Variants in ASAP1 observed in about 807,000 individuals in gnomAD.
ASAP1 encodes arf-GAP with SH3 domain, ANK repeat and PH domain-containing protein 1.
A neutral mutation model predicts 145.2 loss-of-function variants in ASAP1; 43 were observed. That is an observed-to-expected ratio of 0.30 (90% CI 0.23 to 0.38). The LOEUF is 0.38. Ranked by LOEUF, ASAP1 falls within the 10% of genes least tolerant of loss-of-function variation. ASAP1 has a pLI of 1.00. For synonymous variants in ASAP1, 546 were observed against 515.5 expected (o/e 1.06, Z -0.80); for missense variants, 1,018 against 1,355.3 (o/e 0.75, Z 3.91).
intron 2 of ASAP1, among the ~76,000 whole-genome samples, chr8:130,383,587 T>C (rs576956815): frequency 2.7e-4 from 41 of 152,298 alleles, no homozygotes; most frequent in African/African-American, 9.6e-4. Context: ...GGATCTAATA[T>C]TATTCCCAGA....
intron 1 of ASAP1, among the ~76,000 whole-genome samples, chr8:130,428,011 C>G (rs1045456313): frequency 2.0e-5 from 3 of 152,186 alleles, no homozygotes; most frequent in African/African-American, 7.2e-5. Flanking sequence ...CCACATCAAC[C>G]TCTTCTCCAA....
At chr8:130,355,980 T>C (rs1826283658) in intron 3 of ASAP1, among the ~76,000 whole-genome samples, 1 of 152,186 alleles carries the variant, frequency 6.6e-6, no homozygotes, top group Non-Finnish European at 1.5e-5. Flanking sequence ...TACTCTAACA[T>C]GACACTGAAC....
At chr8:130,389,905 C>A (rs1565274651) in intron 2 of ASAP1, among the ~76,000 whole-genome samples, 1 of 152,102 alleles carries the variant, frequency 6.6e-6, no homozygotes, top group Non-Finnish European at 1.5e-5. Flanking sequence ...ATTATGTTGC[C>A]CAGGCTTTAA....
At chr8:130,246,508 C>G (rs1240755808) in intron 3 of ASAP1, among the ~76,000 whole-genome samples, 1 of 152,050 alleles carries the variant, frequency 6.6e-6, no homozygotes, top group Admixed American at 6.6e-5. Flanking sequence ...CTCACAAGAT[C>G]TGATGGTTAA....
chr8:130,334,241 T>C (rs958648537), intron 3 of ASAP1, among the ~76,000 whole-genome samples: 1 of 152,208 alleles, frequency 6.6e-6, no homozygotes, highest in Admixed American at 6.5e-5. Flanking sequence ...AAAGAGGTAC[T>C]CTTTGATTTT....
chr8:130,307,513 G>C (rs1288074968), intron 3 of ASAP1, among the ~76,000 whole-genome samples: 2 of 152,200 alleles, frequency 1.3e-5, no homozygotes, highest in Non-Finnish European at 2.9e-5. Flanking sequence ...CCAGAGCAAA[G>C]TGGTAAAATT....
intron 12 of ASAP1, among the ~76,000 whole-genome samples, chr8:130,153,123 G>A (rs1272777484): frequency 1.3e-5 from 2 of 151,196 alleles, no homozygotes; most frequent in East Asian, 1.9e-4. Context: ...GGGTTGAAGC[G>A]ATTCTCCTGC....
At chr8:130,115,782 C>T in intron 22 of ASAP1, 47 bp from the exon 23 acceptor site, 1 of 1,224,304 alleles carries the variant, frequency 8.2e-7, no homozygotes, top group African/African-American at 1.5e-5. Context: ...AATGCTGAAA[C>T]ATCCCAATAT....
In ASAP1 at chr8:130,215,699, G is replaced by A. The variant is rs529016085; in HGVS notation, c.260-998C>T. Among the ~76,000 whole-genome samples the A allele has an allele frequency of 1.6e-4, 24 of 152,184 alleles. No individual in the cohort carries two copies. The East Asian group carries it at 3.9e-3, about 25-fold the overall frequency. On this transcript the variant is annotated intron_variant, in intron 4 of 29. Coordinates refer to ENST00000518721, the MANE Select transcript of ASAP1 (RefSeq NM_018482.4). The stretch of plus-strand genomic sequence containing the variant: ...GCGGAGCTTGCAGTGAGCCGAGACC[G>A]CGTCACTGCACTCCAGCCTGAGCAA...
chr8:130,076,938 C>T lies in ASAP1; in HGVS notation c.2643-532G>A, dbSNP rs2097463746. On this transcript the variant is annotated intron_variant, in intron 26 of 29. Transcript: ENST00000518721. ...TTAATGATAAAGCCCAACTCCTCCA[C>T]TTCAAAGCATTTATGAAGGCACCTG... 6.6e-5 allele frequency among the ~76,000 whole-genome samples: 10 copies of T among 152,348 alleles called. 1 individual carries two copies. The South Asian group carries it at 2.1e-3, about 32-fold the overall frequency.
At chr8:130,173,782 A>T (rs555416012) in intron 9 of ASAP1, among the ~76,000 whole-genome samples, 1 of 151,512 alleles carries the variant, frequency 6.6e-6, no homozygotes, top group South Asian at 2.1e-4. Context: ...AGAAAAAAAA[A>T]AATAAAAAGG....
intron 24 of ASAP1, among the ~76,000 whole-genome samples, chr8:130,099,486 A>G (rs1379839925): frequency 6.6e-6 from 1 of 151,940 alleles, no homozygotes. Flanking sequence ...GGCCAGGCCC[A>G]GCTAATTTTT....
chr8:130,153,492 C>T (rs1259808195), intron 12 of ASAP1, among the ~76,000 whole-genome samples: 2 of 147,798 alleles, frequency 1.4e-5, no homozygotes, highest in Non-Finnish European at 3.0e-5. Flanking sequence ...ACCTCAACCT[C>T]CAGAGTAGCT....
Position 130,108,757 on chromosome 8 carries a change from G to GTTTTTTT in ASAP1, c.2401+3330_2401+3336dup, listed in dbSNP as rs10568607. 2.1e-3 allele frequency among the ~76,000 whole-genome samples: 108 copies of GTTTTTTT among 51,568 alleles called. 1 individual carries two copies. The highest frequency in any genetic ancestry group is 2.7e-3 in the African/African-American group (32 of 12,042). 33.8% of individuals were successfully genotyped at this position (51,568 alleles called of 152,430 possible). On this transcript the variant is annotated intron_variant, in intron 24 of 29. Coordinates refer to ENST00000518721, the MANE Select transcript of ASAP1 (RefSeq NM_018482.4). ...TAATCTTGGCAAGCCTCAAAAACCA[G>GTTTTTTT]TTTTTTTTTTTTTTTTTTTTTTTTT...
chr8:130,229,383 A>G (rs952884731), intron 4 of ASAP1, among the ~76,000 whole-genome samples: 3 of 152,228 alleles, frequency 2.0e-5, no homozygotes, highest in Non-Finnish European at 2.9e-5. Context: ...AGCTTTATAC[A>G]GGAAAATACA....
intron 3 of ASAP1, among the ~76,000 whole-genome samples, chr8:130,356,421 T>G (rs1282003286): frequency 1.3e-5 from 2 of 152,180 alleles, no homozygotes; most frequent in African/African-American, 4.8e-5. Context: ...TGCTCCTGTA[T>G]CAACATGTTT....
At position 130,358,218 on chromosome 8, in the gene ASAP1, C is replaced by T; in HGVS notation, c.60-75G>A. 2 of 1,363,108 alleles carry T rather than the reference C, an allele frequency of 1.5e-6. No individual in the cohort carries two copies. Among genetic ancestry groups the T allele is most frequent in the Non-Finnish European group, 1.9e-6 (2 of 1,028,326 alleles). 84.4% of individuals were successfully genotyped at this position (1,363,108 alleles called of 1,614,324 possible). The stretch of plus-strand genomic sequence containing the variant: ...CAGGCTCCCGGGGCCGCGGGCCGCC[C>T]GGAGGCTCATGAACCCCGGCGCGCA... On this transcript the variant is annotated intron_variant, in intron 2 of 29. Transcript: ENST00000518721. This position sits in a 1 kb window ranked among gnomAD's most constrained non-coding sequence, Gnocchi z 4.1.
intron 1 of ASAP1, among the ~76,000 whole-genome samples, chr8:130,429,218 G>C (rs1395412580): frequency 6.6e-6 from 1 of 152,108 alleles, no homozygotes; most frequent in Non-Finnish European, 1.5e-5. Flanking sequence ...GAGCTTATTT[G>C]TAAATAAAAA....
At chr8:130,181,916 G>A (rs1418411273) in intron 7 of ASAP1, among the ~76,000 whole-genome samples, 1 of 152,192 alleles carries the variant, frequency 6.6e-6, no homozygotes, top group Non-Finnish European at 1.5e-5. Context: ...GGTGGTGGTA[G>A]GGGAAACCAA....
Sources: gnomAD v4.1 joint callset for allele counts (sites outside exome capture counted in the v4.1 genomes callset) on GRCh38, gnomAD v4.1.1 for gene constraint, Gnocchi (gnomAD v3.1) non-coding constraint, MANE v1.5 for transcripts, NCBI Gene and HGNC (gene_info 2026-07-23, HGNC 2026-07-21) for gene names.